Variants in COL21A1 observed in about 807,000 individuals in gnomAD.
The protein encoded by COL21A1 is collagen type XXI alpha 1 chain.
Under a neutral mutation model 137.9 loss-of-function variants are expected in COL21A1, and 149 were observed. The ratio of observed to expected loss-of-function variants is 1.08; its 90% CI spans 0.95 to 1.24. The LOEUF is 1.24. COL21A1 is among the 50% of genes most tolerant of loss of function. The pLI is 0.00. For missense variants in COL21A1, 1,167 were observed against 1,158.4 expected, an observed-to-expected ratio of 1.01 and a Z score of -0.11; for synonymous variants, 456 against 391.5, an observed-to-expected ratio of 1.16 and a Z score of -1.95.
Position 56,359,069 on chromosome 6 carries a change from C to A in COL21A1, c.-39+34902G>T, listed in dbSNP as rs115993082. Among the ~76,000 whole-genome samples the A allele has an allele frequency of 7.6e-3, 1,158 of 152,244 alleles. 18 individuals are homozygous for A. The highest frequency in any genetic ancestry group is 0.025 in the African/African-American group (1,059 of 41,546). ...TCATAGAATTTAGTAAGTATTTAAA[C>A]TGACTATAATTCACTTCTAAAATAT... On this transcript the variant is annotated intron_variant, in intron 1 of 28. Transcript: ENST00000370819.
At chr6:56,378,816 T>TAGTGGTGGTGGCCACAGG (rs1226597457) in intron 1 of COL21A1, among the ~76,000 whole-genome samples, 5 of 152,200 alleles carry the variant, frequency 3.3e-5, no homozygotes, top group Non-Finnish European at 5.9e-5. Context: ...AGCACAGTCA[T>TAGTGGTGGTGGCCACAGG]AGTGGTGGTG....
chr6:56,125,572 T>C lies in COL21A1; in HGVS notation c.1645A>G (p.Lys549Glu). ...GDKGSPGFYG[K>E]KGAKGEKGNA... ...GTTGTGTGATCTATACTTCCCTTTT[T>C]GCCATAAAATCCAGGTGATCCTTTG... is the stretch of plus-strand genomic sequence containing the variant. Residue 549 changes from lysine (K) to glutamate (E), a missense_variant, in exon 14 of 30, where the codon AAA becomes GAA. By Grantham distance (56) the Lys-to-Glu change is moderately conservative (BLOSUM62 1). Coordinates refer to ENST00000244728, the MANE Select transcript of COL21A1 (RefSeq NM_030820.4). 6.2e-7 allele frequency: 1 copy of C among 1,601,336 alleles called. No individual in the cohort carries two copies. Among genetic ancestry groups the C allele is most frequent in the South Asian group, 1.1e-5 (1 of 89,384 alleles).
At chr6:56,177,845 A>G (rs1487790649) in intron 3 of COL21A1, among the ~76,000 whole-genome samples, 2 of 151,276 alleles carry the variant, frequency 1.3e-5, no homozygotes, top group South Asian at 2.1e-4. Context: ...TATAAATTCC[A>G]TAAGTGCATT....
At chr6:56,243,736 A>G (rs1417715694) in intron 1 of COL21A1, among the ~76,000 whole-genome samples, 4 of 152,206 alleles carry the variant, frequency 2.6e-5, no homozygotes, top group Non-Finnish European at 1.5e-5. Context: ...GTGATTATGT[A>G]ACTTGTCCAA....
At chr6:56,062,482 C>T (rs1294120133) in intron 24 of COL21A1, among the ~76,000 whole-genome samples, 1 of 152,020 alleles carries the variant, frequency 6.6e-6, no homozygotes, top group Non-Finnish European at 1.5e-5. Context: ...AATATTCACT[C>T]AGGAAAAAAG....
At chr6:56,095,027 AT>A (rs1323162762) in intron 17 of COL21A1, among the ~76,000 whole-genome samples, 1 of 152,128 alleles carries the variant, frequency 6.6e-6, no homozygotes, top group African/African-American at 2.4e-5. Flanking sequence ...AGGGGGAGGC[AT>A]TTTTTAACCT....
chr6:56,057,563 TTC>T lies in COL21A1; in HGVS notation c.*92_*93del. Reference sequence around the variant, plus strand: ...AATAAAAACACCGAGGTACTTAAGTTTCTTTTCAAGGGATTACTGTTGGTTAT... The same window carrying T: ...AATAAAAACACCGAGGTACTTAAGTTTTTTCAAGGGATTACTGTTGGTTAT... On this transcript the variant is annotated 3_prime_UTR_variant, in exon 30 of 30. Coordinates refer to ENST00000244728, the MANE Select transcript of COL21A1 (RefSeq NM_030820.4). The T allele has an allele frequency of 1.1e-5, 13 of 1,205,294 alleles. No homozygotes were observed. Among genetic ancestry groups the T allele is most frequent in the Non-Finnish European group, 1.4e-5 (12 of 845,518 alleles). The allele number at this position is 1,205,294 out of a possible 1,614,324, so 74.7% of individuals were successfully genotyped here. A position where few individuals can be genotyped will look rare whatever the true frequency, so the allele number is the denominator to read the frequency against.
Position 56,371,735 on chromosome 6 carries a change from A to C in COL21A1, c.-39+22236T>G, listed in dbSNP as rs543774745. 5.9e-5 allele frequency among the ~76,000 whole-genome samples: 9 copies of C among 152,312 alleles called. No individual in the cohort carries two copies. The East Asian group carries it at 1.7e-3, about 29-fold the overall frequency. On this transcript the variant is annotated intron_variant, in intron 1 of 28. Coordinates refer to the COL21A1 transcript ENST00000370819. The stretch of plus-strand genomic sequence containing the variant: ...TCTGAGCCATTCAGGAGAAGTGGGT[A>C]CCATTTTGGGTGCCAAGAAGACCTT...
chr6:56,152,318 G>T (rs914556536), intron 10 of COL21A1, among the ~76,000 whole-genome samples: 14 of 152,170 alleles, frequency 9.2e-5, no homozygotes, highest in Admixed American at 7.2e-4. Context: ...ATATCTGGCT[G>T]CCCAGATAAT....
At chr6:56,177,791 CAAA>C (rs3065941) in intron 3 of COL21A1, among the ~76,000 whole-genome samples, 2 of 69,378 alleles carry the variant, frequency 2.9e-5, no homozygotes, top group African/African-American at 1.2e-4. Context: ...GACTCTGCCT[CAAA>C]AAAAAAAAAA....
In COL21A1 at chr6:56,057,589, A is replaced by G. The variant is rs1049399314; in HGVS notation, c.*68T>C. 5.5e-6 allele frequency: 8 copies of G among 1,462,448 alleles called. No individual in the cohort carries two copies. Among genetic ancestry groups the G allele is most frequent in the Non-Finnish European group, 7.6e-6 (8 of 1,051,174 alleles). The allele number at this position is 1,462,448 out of a possible 1,614,324, so 90.6% of individuals were successfully genotyped here. ...TCTTTTCAAGGGATTACTGTTGGTT[A>G]TCTTCCTGAGATGCAAAAGACCACA... On this transcript the variant is annotated 3_prime_UTR_variant, in exon 30 of 30. Transcript: ENST00000244728.
At chr6:56,356,035 T>G (rs1037636749) in intron 1 of COL21A1, among the ~76,000 whole-genome samples, 1 of 152,224 alleles carries the variant, frequency 6.6e-6, no homozygotes, top group Non-Finnish European at 1.5e-5. Flanking sequence ...CAATATTTCC[T>G]GAGATTCTTT....
intron 1 of COL21A1, among the ~76,000 whole-genome samples, chr6:56,363,511 T>C (rs1348916191): frequency 6.6e-6 from 1 of 152,250 alleles, no homozygotes; most frequent in Non-Finnish European, 1.5e-5. Flanking sequence ...CACAGATCAC[T>C]GTGGGAGCCA....
chr6:56,371,791 C>A (rs2093989286), intron 1 of COL21A1, among the ~76,000 whole-genome samples: 2 of 152,222 alleles, frequency 1.3e-5, no homozygotes, highest in African/African-American at 4.8e-5. Flanking sequence ...ATTTGAATTC[C>A]TTGACCTTTC....
At chr6:56,384,696 GA>G (rs1291471514) in intron 1 of COL21A1, among the ~76,000 whole-genome samples, 5 of 151,860 alleles carry the variant, frequency 3.3e-5, no homozygotes, top group African/African-American at 1.2e-4. Flanking sequence ...TTTTTTTTCT[GA>G]ATATTTTTAG....
At chr6:56,109,885 C>T (rs1298516625) in intron 16 of COL21A1, among the ~76,000 whole-genome samples, 1 of 151,972 alleles carries the variant, frequency 6.6e-6, no homozygotes, top group African/African-American at 2.4e-5. Context: ...ACACACAACA[C>T]ACCTGCAAAG....
At chr6:56,081,147 T>A (rs1448590761) in intron 17 of COL21A1, among the ~76,000 whole-genome samples, 11 of 151,872 alleles carry the variant, frequency 7.2e-5, no homozygotes, top group Non-Finnish European at 7.4e-5. Flanking sequence ...TCTTCACAGC[T>A]CCTCCCTGAC....
intron 16 of COL21A1, among the ~76,000 whole-genome samples, chr6:56,110,480 C>T (rs1340333959): frequency 6.6e-6 from 1 of 151,474 alleles, no homozygotes; most frequent in Non-Finnish European, 1.5e-5. Flanking sequence ...GTATTGAGGG[C>T]TTGTTTAGTG....
chr6:56,227,992 A>T (rs1395818715), intron 1 of COL21A1, among the ~76,000 whole-genome samples: 1 of 151,978 alleles, frequency 6.6e-6, no homozygotes, highest in Non-Finnish European at 1.5e-5. Context: ...AAAATGCTTA[A>T]AATCACTAAA....
Sources: gnomAD v4.1 joint callset for allele counts (sites outside exome capture counted in the v4.1 genomes callset) on GRCh38, gnomAD v4.1.1 for gene constraint, MANE v1.5 for transcripts, NCBI Gene and HGNC (gene_info 2026-07-23, HGNC 2026-07-21) for gene names.